VDAC1: variants seen among roughly 807,000 people sequenced by gnomAD.
VDAC1 encodes voltage dependent anion channel 1, also known as non-selective voltage-gated ion channel VDAC1.
VDAC1 carries 10 observed loss-of-function variants against 34.7 expected under a neutral mutation model. That is an observed-to-expected ratio of 0.29 (90% CI 0.18 to 0.49). VDAC1 has a LOEUF of 0.49. Ranked by LOEUF, VDAC1 falls within the 20% of genes least tolerant of loss-of-function variation. The pLI is 0.99. For synonymous variants in VDAC1, 130 were observed against 136.0 expected (o/e 0.96, Z 0.30); for missense variants, 230 against 347.9 (o/e 0.66, Z 2.69).
At chr5:134,031,950 CA>C in the VDAC1 span, among the ~76,000 whole-genome samples, 516 of 68,770 alleles carry the variant, frequency 7.5e-3, 3 homozygotes, top group South Asian at 0.031. Context: ...GACCCCATCT[CA>C]AAAAAAAAAA....
chr5:134,032,162 G>C, the VDAC1 span, among the ~76,000 whole-genome samples: 1 of 123,458 alleles, frequency 8.1e-6, no homozygotes, highest in African/African-American at 3.2e-5. Flanking sequence ...TGCTGGCTTT[G>C]AAGACACAGG....
the VDAC1 span, among the ~76,000 whole-genome samples, chr5:134,062,804 T>C: frequency 6.6e-6 from 1 of 151,590 alleles, no homozygotes; most frequent in South Asian, 2.1e-4. Flanking sequence ...TTTTTGTTTT[T>C]TTAGTAGAAA....
the VDAC1 span, among the ~76,000 whole-genome samples, chr5:134,033,744 C>G: frequency 1.0e-3 from 155 of 151,086 alleles, no homozygotes; most frequent in East Asian, 2.0e-3. Context: ...TGTAATCCCA[C>G]CACTTTGGGA....
chr5:133,983,706 TAC>T (rs1441752593), intron 5 of VDAC1, among the ~76,000 whole-genome samples: 2 of 152,204 alleles, frequency 1.3e-5, no homozygotes, highest in African/African-American at 2.4e-5. Context: ...TCACCACTGA[TAC>T]AGTTTCGATG....
chr5:134,026,765 A>C, the VDAC1 span, among the ~76,000 whole-genome samples: 1 of 152,148 alleles, frequency 6.6e-6, no homozygotes, highest in South Asian at 2.1e-4. Flanking sequence ...AACAAGTGGC[A>C]GCACTCTCCA....
intron 2 of VDAC1, 152 bp from the exon 3 acceptor site, chr5:133,992,507 G>C (rs920266132): frequency 7.7e-6 from 4 of 519,428 alleles, no homozygotes; most frequent in African/African-American, 2.0e-5. Context: ...CTGCTCGTGG[G>C]GGGAGCTCTC....
the VDAC1 span, among the ~76,000 whole-genome samples, chr5:134,052,700 T>C: frequency 2.0e-5 from 3 of 152,216 alleles, no homozygotes; most frequent in Non-Finnish European, 4.4e-5. Flanking sequence ...CCCTATTCAG[T>C]CCACTTCCTG....
At chr5:134,107,197 A>G in the VDAC1 span, among the ~76,000 whole-genome samples, 1 of 152,230 alleles carries the variant, frequency 6.6e-6, no homozygotes, top group Non-Finnish European at 1.5e-5. Flanking sequence ...GTGATGGGCA[A>G]AGCCGCACAG....
intron 3 of VDAC1, among the ~76,000 whole-genome samples, 165 bp downstream of exon 3, chr5:133,992,141 T>C (rs1428881758): frequency 6.6e-6 from 1 of 151,914 alleles, no homozygotes; most frequent in Non-Finnish European, 1.5e-5. Context: ...TAGGCTGAGG[T>C]AGGAGAATCG....
At chr5:134,022,418 TC>T in the VDAC1 span, among the ~76,000 whole-genome samples, 5 of 152,348 alleles carry the variant, frequency 3.3e-5, no homozygotes, top group African/African-American at 1.2e-4. Flanking sequence ...GCGAGGGCCT[TC>T]TTGTGTATCA....
intron 6 of VDAC1, chr5:133,976,332 C>G (rs938951669): frequency 9.0e-6 from 2 of 223,116 alleles, no homozygotes; most frequent in Admixed American, 5.2e-5. Flanking sequence ...ATGGTGAAAC[C>G]CTGTTTCTAC....
the VDAC1 span, among the ~76,000 whole-genome samples, chr5:134,035,141 C>G: frequency 6.6e-6 from 1 of 152,092 alleles, no homozygotes. Context: ...TGGCTGGTCG[C>G]TGGGCTGAGG....
At chr5:134,055,588 G>GTTTTTGTTTTTTTTTTGTTTTTTTT in the VDAC1 span, among the ~76,000 whole-genome samples, 1 of 59,626 alleles carries the variant, frequency 1.7e-5, no homozygotes, top group African/African-American at 7.2e-5. Context: ...CCCCGCTAAT[G>GTTTTTGTTTTTTTTTTGTTTTTTTT]TTTTTTTTTT....
the VDAC1 span, among the ~76,000 whole-genome samples, chr5:134,014,162 G>A: frequency 6.0e-5 from 9 of 150,214 alleles, no homozygotes; most frequent in Non-Finnish European, 7.4e-5. Flanking sequence ...GGTGGCACGC[G>A]CTTGTAATCC....
At chr5:134,072,279 G>A in the VDAC1 span, among the ~76,000 whole-genome samples, 1 of 152,116 alleles carries the variant, frequency 6.6e-6, no homozygotes, top group Admixed American at 6.5e-5. Context: ...CAGAGAGAGA[G>A]GGTACCCCAA....
intron 1 of VDAC1, among the ~76,000 whole-genome samples, chr5:134,003,620 G>A (rs1235574439): frequency 2.0e-5 from 3 of 149,864 alleles, no homozygotes; most frequent in African/African-American, 7.3e-5. Context: ...ACAACGCCAC[G>A]TGTAGCAAAA....
At chr5:134,076,491 A>G in the VDAC1 span, among the ~76,000 whole-genome samples, 1 of 152,176 alleles carries the variant, frequency 6.6e-6, no homozygotes, top group Non-Finnish European at 1.5e-5. Flanking sequence ...CCAGACCCTG[A>G]GTCCTGTACT....
chr5:133,997,126 T>G (rs955774540), intron 1 of VDAC1, among the ~76,000 whole-genome samples: 1 of 152,052 alleles, frequency 6.6e-6, no homozygotes, highest in Non-Finnish European at 1.5e-5. Context: ...TCAGTGAGGG[T>G]GTGGAAAACA....
the VDAC1 span, among the ~76,000 whole-genome samples, chr5:134,059,738 C>A: frequency 6.6e-6 from 1 of 151,794 alleles, no homozygotes; most frequent in Admixed American, 6.6e-5. Context: ...CCACCTCAAT[C>A]CTGCCCCCAA....
Sources: allele counts gnomAD v4.1 joint callset (sites outside exome capture counted in the v4.1 genomes callset), GRCh38; gene constraint gnomAD v4.1.1; transcripts MANE v1.5; gene names NCBI Gene and HGNC (gene_info 2026-07-23, HGNC 2026-07-21).